NOS1: variants seen among roughly 807,000 people sequenced by gnomAD.
NOS1 encodes the protein nitric oxide synthase 1, also known as NOS type I.
A neutral mutation model predicts 164.5 loss-of-function variants in NOS1; 51 were observed. The ratio of observed to expected loss-of-function variants is 0.31; its 90% CI spans 0.25 to 0.39. NOS1 has a LOEUF of 0.39. Ranked by LOEUF, NOS1 falls within the 10% of genes least tolerant of loss-of-function variation. NOS1 has a pLI of 1.00. For synonymous variants in NOS1, 719 were observed against 745.8 expected (o/e 0.96, Z 0.59); for missense variants, 1,362 against 1,885.6 (o/e 0.72, Z 5.14).
intron 2 of NOS1, among the ~76,000 whole-genome samples, chr12:117,325,733 C>G (rs1211202754): frequency 6.6e-6 from 1 of 152,216 alleles, no homozygotes; most frequent in Non-Finnish European, 1.5e-5. Flanking sequence ...AAAATTGCAT[C>G]ACCAAGGCGA....
intron 10 of NOS1, among the ~76,000 whole-genome samples, chr12:117,271,511 T>A (rs139579336): frequency 8.5e-5 from 13 of 152,234 alleles, no homozygotes; most frequent in Non-Finnish European, 8.8e-5. Flanking sequence ...CTCCAGGCTG[T>A]GATCAGCCTG....
At chr12:117,221,002 C>A (rs887336628) in intron 26 of NOS1, among the ~76,000 whole-genome samples, 3 of 152,082 alleles carry the variant, frequency 2.0e-5, no homozygotes, top group African/African-American at 4.8e-5. Flanking sequence ...GAGTGCCCCC[C>A]CAACCTGCCA....
rs79836876 is a variant in NOS1 at position 117,211,556 on chromosome 12, C to T, written c.*3753G>A. The T allele has an allele frequency of 0.026, 25,537 of 985,552 alleles. 546 individuals carry two copies. The highest frequency in any genetic ancestry group is 0.1 in the African/African-American group (5,864 of 57,310). The allele number at this position is 985,552 out of a possible 1,614,324, so 61.1% of individuals were successfully genotyped here. A position where few individuals can be genotyped will look rare whatever the true frequency, so the allele number is the denominator to read the frequency against. On this transcript the variant is annotated 3_prime_UTR_variant, in exon 29 of 29. Coordinates refer to ENST00000317775, the MANE Select transcript of NOS1 (RefSeq NM_000620.5). ...ATTTCTTGTAATGCCACTCACCTCT[C>T]CCCACGGTCTGGTCCCAGCCCACCT...
At chr12:117,257,022 A>G (rs1871515127) in intron 16 of NOS1, among the ~76,000 whole-genome samples, 1 of 152,014 alleles carries the variant, frequency 6.6e-6, no homozygotes, top group South Asian at 2.1e-4. Context: ...CAGTGAGCTG[A>G]GATCGTGCCA....
At chr12:117,256,498 G>A (rs189009878) in intron 16 of NOS1, among the ~76,000 whole-genome samples, 2 of 151,370 alleles carry the variant, frequency 1.3e-5, no homozygotes, top group Non-Finnish European at 2.9e-5. Context: ...GGCTGGTCTC[G>A]AACTCCTGAC....
chr12:117,213,068 A>C lies in NOS1; in HGVS notation c.*2241T>G, dbSNP rs9658570. On this transcript the variant is annotated 3_prime_UTR_variant, in exon 29 of 29. Transcript: ENST00000317775. ...ACAATGTTTCCATCTGTCTGCTACT[A>C]GAAAGGCAGGCACATGCAGAAAGGA... 101,793 of 985,410 alleles carry C rather than the reference A, an allele frequency of 0.1. 5,885 individuals are homozygous for C. Among genetic ancestry groups the C allele is most frequent in the Admixed American group, 0.28 (4,565 of 16,270 alleles). 61.0% of individuals were successfully genotyped at this position (985,410 alleles called of 1,614,324 possible). A position where few individuals can be genotyped will look rare whatever the true frequency, so the allele number is the denominator to read the frequency against.
chr12:117,264,421 T>C (rs9658401), intron 12 of NOS1, among the ~76,000 whole-genome samples: 3,870 of 152,188 alleles, frequency 0.025, 191 homozygotes, highest in African/African-American at 0.089. Flanking sequence ...TACAGGTATA[T>C]GCCACCACAC....
chr12:117,225,487 C>T (rs547418563), intron 24 of NOS1, among the ~76,000 whole-genome samples: 53 of 152,220 alleles, frequency 3.5e-4, no homozygotes, highest in South Asian at 1.2e-3. Context: ...GCAACATCCC[C>T]GGCTTCCACC....
chr12:117,328,977 A>C (rs1219509664), intron 2 of NOS1, among the ~76,000 whole-genome samples: 1 of 152,224 alleles, frequency 6.6e-6, no homozygotes, highest in Non-Finnish European at 1.5e-5. Flanking sequence ...TGCTGCAGGC[A>C]ACTGTAACAC....
Position 117,214,704 on chromosome 12 carries a change from TA to T in NOS1, c.*604del. On this transcript the variant is annotated 3_prime_UTR_variant, in exon 29 of 29. Coordinates refer to ENST00000317775, the MANE Select transcript of NOS1 (RefSeq NM_000620.5). Reference sequence around the variant, plus strand: ...CAGGTACATGGGCGTGGACCCTAATTATGGACACACGAGGGATTAATATGGG... The same window carrying T: ...CAGGTACATGGGCGTGGACCCTAATTTGGACACACGAGGGATTAATATGGG... 1 of 985,274 alleles carries T rather than the reference TA, an allele frequency of 1.0e-6. No homozygotes were observed. Among genetic ancestry groups the T allele is most frequent in the Non-Finnish European group, 1.2e-6 (1 of 829,922 alleles). The allele number at this position is 985,274 out of a possible 1,614,324, so 61.0% of individuals were successfully genotyped here.
intron 20 of NOS1, among the ~76,000 whole-genome samples, chr12:117,242,340 T>C (rs1870245427): frequency 3.3e-5 from 5 of 152,212 alleles, no homozygotes; most frequent in Non-Finnish European, 2.9e-5. Context: ...ACAACGAACA[T>C]GTGGCGAAGC....
chr12:117,337,754 C>T (rs1364726030), intron 1 of NOS1, among the ~76,000 whole-genome samples: 1 of 152,026 alleles, frequency 6.6e-6, no homozygotes, highest in Non-Finnish European at 1.5e-5. Context: ...GTAGAATGTC[C>T]CCTGGGCTAA....
chr12:117,249,585 G>A (rs1278085156), intron 17 of NOS1, among the ~76,000 whole-genome samples: 1 of 152,112 alleles, frequency 6.6e-6, no homozygotes, highest in Non-Finnish European at 1.5e-5. Context: ...CATCAAACAG[G>A]TTCTTCTAAA....
At chr12:117,236,523 C>T (rs757624313) in intron 20 of NOS1, among the ~76,000 whole-genome samples, 15 of 152,192 alleles carry the variant, frequency 9.9e-5, no homozygotes, top group Non-Finnish European at 2.1e-4. Flanking sequence ...CACTGGCCCT[C>T]CATGGGCAGA....
chr12:117,223,747 C>T (rs917571395), intron 25 of NOS1, among the ~76,000 whole-genome samples: 3 of 151,952 alleles, frequency 2.0e-5, no homozygotes, highest in Non-Finnish European at 2.9e-5. Flanking sequence ...CTCTGCCTCC[C>T]GGGTTCAAGT....
At chr12:117,218,426 G>A (rs142940025) in intron 27 of NOS1, among the ~76,000 whole-genome samples, 5 of 152,164 alleles carry the variant, frequency 3.3e-5, no homozygotes, top group East Asian at 1.9e-4. Context: ...TGGAAACACC[G>A]CTGCTGCTTG....
chr12:117,277,644 G>A (rs1056591569), intron 9 of NOS1, among the ~76,000 whole-genome samples: 1 of 152,078 alleles, frequency 6.6e-6, no homozygotes, highest in African/African-American at 2.4e-5. Flanking sequence ...AATAAAAAGT[G>A]TGCTCGCAAC....
intron 1 of NOS1, among the ~76,000 whole-genome samples, chr12:117,349,879 C>A (rs182185406): frequency 8.1e-6 from 1 of 123,958 alleles, no homozygotes; most frequent in African/African-American, 3.2e-5. Flanking sequence ...CGAGCCACCA[C>A]ACTTGGTTAA....
chr12:117,242,761 A>G (rs1870291997), intron 19 of NOS1, 56 bp from the exon 20 acceptor site: 2 of 1,532,070 alleles, frequency 1.3e-6, no homozygotes. Context: ...TCCATTAAAA[A>G]CTCCCCAGGT....
Sources: gnomAD v4.1 joint callset for allele counts (sites outside exome capture counted in the v4.1 genomes callset) on GRCh38, gnomAD v4.1.1 for gene constraint, MANE v1.5 for transcripts, NCBI Gene and HGNC (gene_info 2026-07-23, HGNC 2026-07-21) for gene names.